Variants in TACR1 observed in about 807,000 individuals in gnomAD.
The protein encoded by TACR1 is substance-P receptor.
A neutral mutation model predicts 35.8 loss-of-function variants in TACR1; 25 were observed. The ratio of observed to expected loss-of-function variants is 0.70; its 90% CI spans 0.51 to 0.98. TACR1 has a LOEUF of 0.98. Among genes scored for constraint, TACR1 ranks in the 50% least tolerant of loss-of-function variants. The pLI is 0.00. For synonymous variants in TACR1, 195 were observed against 206.7 expected (o/e 0.94, Z 0.48); for missense variants, 478 against 522.9 (o/e 0.91, Z 0.84).
At position 75,088,107 on chromosome 2, in the gene TACR1, C is replaced by A. The variant is rs559157931; in HGVS notation, c.584+32467G>T. Among the ~76,000 whole-genome samples, 3 of 152,296 alleles carry A rather than the reference C, an allele frequency of 2.0e-5. No homozygotes were observed. The East Asian group carries it at 5.8e-4, about 29-fold the overall frequency. On this transcript the variant is annotated intron_variant, in intron 2 of 4. Coordinates refer to ENST00000305249, the MANE Select transcript of TACR1 (RefSeq NM_001058.4). ...GTTAGCTGAAAACTACAACCTATTTCTTTTGAGTTAAAGACTCAAACCATC... is the reference window on the plus strand; with the variant it reads ...GTTAGCTGAAAACTACAACCTATTTATTTTGAGTTAAAGACTCAAACCATC...
chr2:75,136,299 C>G (rs1369605555), intron 1 of TACR1, among the ~76,000 whole-genome samples: 3 of 152,172 alleles, frequency 2.0e-5, no homozygotes, highest in Non-Finnish European at 4.4e-5. Flanking sequence ...ACTTCTTCGT[C>G]CTTATCAGCT....
At chr2:75,133,477 T>C (rs1674217556) in intron 1 of TACR1, among the ~76,000 whole-genome samples, 1 of 152,234 alleles carries the variant, frequency 6.6e-6, no homozygotes, top group South Asian at 2.1e-4. Flanking sequence ...TTCTTTGCGT[T>C]AATTCATTTC....
At chr2:75,128,465 C>A (rs1674116358) in intron 1 of TACR1, among the ~76,000 whole-genome samples, 1 of 152,136 alleles carries the variant, frequency 6.6e-6, no homozygotes, top group Non-Finnish European at 1.5e-5. Flanking sequence ...AGTGAAGGTC[C>A]AAGTTGTGTA....
intron 1 of TACR1, among the ~76,000 whole-genome samples, chr2:75,173,306 A>G (rs1485785402): frequency 1.3e-5 from 2 of 152,176 alleles, no homozygotes; most frequent in Non-Finnish European, 1.5e-5. Context: ...TACTTTGCTG[A>G]GTATTATATT....
intron 2 of TACR1, among the ~76,000 whole-genome samples, chr2:75,059,115 T>G (rs942888675): frequency 6.6e-6 from 1 of 152,166 alleles, no homozygotes; most frequent in Non-Finnish European, 1.5e-5. Context: ...GGGTAGAAAA[T>G]TTCAGCTGTT....
rs886265315 is a variant in TACR1 at position 75,195,475 on chromosome 2, A to G, written c.389+3071T>C. Among the ~76,000 whole-genome samples the G allele has an allele frequency of 3.3e-5, 5 of 151,966 alleles. No homozygotes were observed. The South Asian group carries it at 8.3e-4, about 25-fold the overall frequency. Reference sequence around the variant, plus strand: ...TAGAAAGACTACAGGAAACATTTAAATTAGTACTGCAATCTGCAACTGAAG... The same window carrying G: ...TAGAAAGACTACAGGAAACATTTAAGTTAGTACTGCAATCTGCAACTGAAG... On this transcript the variant is annotated intron_variant, in intron 1 of 4. Transcript: ENST00000305249.
intron 1 of TACR1, among the ~76,000 whole-genome samples, chr2:75,173,421 A>G (rs2104023361): frequency 6.6e-6 from 1 of 152,332 alleles, no homozygotes; most frequent in East Asian, 1.9e-4. Flanking sequence ...TAACTATACT[A>G]TACCTCATCA....
chr2:75,159,050 CT>C (rs61311422), intron 1 of TACR1, among the ~76,000 whole-genome samples: 77,570 of 150,186 alleles, frequency 0.52, 20,341 homozygotes, highest in Non-Finnish European at 0.56. Flanking sequence ...TTATTGGTAC[CT>C]TTTTTTTTTA....
intron 2 of TACR1, among the ~76,000 whole-genome samples, chr2:75,064,767 T>TA (rs1672733680): frequency 6.6e-6 from 1 of 152,222 alleles, no homozygotes; most frequent in African/African-American, 2.4e-5. Flanking sequence ...AAATCTTTAG[T>TA]AAAATATGCC....
intron 2 of TACR1, among the ~76,000 whole-genome samples, chr2:75,068,686 C>T (rs1445494213): frequency 6.6e-6 from 1 of 152,164 alleles, no homozygotes; most frequent in African/African-American, 2.4e-5. Flanking sequence ...TAGGTACAAA[C>T]ATTGCAGAGT....
chr2:75,175,988 A>G lies in TACR1; in HGVS notation c.389+22558T>C, dbSNP rs114338997. ...CAGAAATCACATTACTGACTGTAGC[A>G]TGGCTCACTATGTTTGAGCTGTCCA... On this transcript the variant is annotated intron_variant, in intron 1 of 4. Transcript: ENST00000305249. Among the ~76,000 whole-genome samples, 1,064 of 130,530 alleles carry G rather than the reference A, an allele frequency of 8.2e-3. 14 individuals are homozygous for G. Among genetic ancestry groups the G allele is most frequent in the African/African-American group, 0.029 (1,025 of 35,180 alleles). The allele number at this position is 130,530 out of a possible 152,430, so 85.6% of individuals were successfully genotyped here.
At chr2:75,134,180 A>T (rs1174168529) in intron 1 of TACR1, among the ~76,000 whole-genome samples, 1 of 152,142 alleles carries the variant, frequency 6.6e-6, no homozygotes. Flanking sequence ...TGGAGTAGCC[A>T]TTCTTTATTC....
At position 75,199,093 on chromosome 2, in the gene TACR1, C is replaced by G. The variant is rs199873917; in HGVS notation, c.-159G>C. On this transcript the variant is annotated 5_prime_UTR_variant, in exon 1 of 5. Transcript: ENST00000305249. ...TCTTTTTGAAAGCTGAACTGGCGCT[C>G]AGAATATAAACGCTTCTGGATGCAC... 4.4e-6 allele frequency: 4 copies of G among 906,442 alleles called. No individual in the cohort carries two copies. The highest frequency in any genetic ancestry group is 6.5e-6 in the Non-Finnish European group (4 of 610,830). The allele number at this position is 906,442 out of a possible 1,614,324, so 56.1% of individuals were successfully genotyped here. A position where few individuals can be genotyped will look rare whatever the true frequency, so the allele number is the denominator to read the frequency against.
intron 2 of TACR1, among the ~76,000 whole-genome samples, chr2:75,113,532 CTTTTTTTTTTTTTT>C (rs11437762): frequency 1.8e-4 from 17 of 92,082 alleles, no homozygotes; most frequent in Admixed American, 5.8e-4. Context: ...TTTCTTCTTC[CTTTTTTTTTTTTTT>C]TTTTTTTTTT....
At chr2:75,198,467 C>T (rs1288951894) in intron 1 of TACR1, 79 bp downstream of exon 1, 1 of 1,535,008 alleles carries the variant, frequency 6.5e-7, no homozygotes, top group African/African-American at 1.4e-5. Context: ...GACCCATACC[C>T]CACCCAGTTC....
intron 2 of TACR1, among the ~76,000 whole-genome samples, chr2:75,070,509 A>G (rs566345515): frequency 3.3e-5 from 5 of 152,346 alleles, no homozygotes; most frequent in Admixed American, 2.6e-4. Flanking sequence ...CCTATTTTAC[A>G]TAAGAAGAAA....
chr2:75,178,768 G>A (rs532155049), intron 1 of TACR1, among the ~76,000 whole-genome samples: 6 of 152,140 alleles, frequency 3.9e-5, no homozygotes, highest in South Asian at 2.1e-4. Flanking sequence ...CCTTCTTCCC[G>A]AAATGCTTTC....
chr2:75,103,841 T>G (rs1476047101), intron 2 of TACR1, among the ~76,000 whole-genome samples: 2 of 152,108 alleles, frequency 1.3e-5, no homozygotes, highest in Non-Finnish European at 2.9e-5. Context: ...TCAAATAGAC[T>G]GTTATAACTG....
intron 2 of TACR1, among the ~76,000 whole-genome samples, chr2:75,090,486 A>C (rs1673287286): frequency 6.6e-6 from 1 of 152,184 alleles, no homozygotes. Context: ...TGGTCTCCAC[A>C]ACCTCTTATT....
Sources: gnomAD v4.1 joint callset for allele counts (sites outside exome capture counted in the v4.1 genomes callset) on GRCh38, gnomAD v4.1.1 for gene constraint, MANE v1.5 for transcripts, NCBI Gene and HGNC (gene_info 2026-07-23, HGNC 2026-07-21) for gene names.